USH2A: variants seen among roughly 807,000 people sequenced by gnomAD.
The protein encoded by USH2A is Usher syndrome 2A (autosomal recessive, mild).
Under a neutral mutation model 538.9 loss-of-function variants are expected in USH2A, and 443 were observed. That is an observed-to-expected ratio of 0.82 (90% CI 0.76 to 0.89). The LOEUF is 0.89. Among genes scored for constraint, USH2A ranks in the 40% least tolerant of loss-of-function variants. The pLI is 0.00. For missense variants in USH2A, 6,633 were observed against 6,324.8 expected, an observed-to-expected ratio of 1.05 and a Z score of -1.65; for synonymous variants, 2,413 against 2,273.5, an observed-to-expected ratio of 1.06 and a Z score of -1.75.
intron 9 of USH2A, among the ~76,000 whole-genome samples, chr1:216,308,093 C>T (rs2037350998): frequency 6.6e-6 from 1 of 152,090 alleles, no homozygotes; most frequent in Non-Finnish European, 1.5e-5. Context: ...TTAGTCCTGC[C>T]TCCTATCCTT....
chr1:216,083,260 A>G (rs1571946487), intron 26 of USH2A, 196 bp downstream of exon 26: 1 of 514,498 alleles, frequency 1.9e-6, no homozygotes. Flanking sequence ...TACAATTGTC[A>G]TCTTAAAAAA....
At chr1:215,859,095 T>G (rs1051759543) in intron 44 of USH2A, among the ~76,000 whole-genome samples, 2 of 152,170 alleles carry the variant, frequency 1.3e-5, no homozygotes, top group African/African-American at 4.8e-5. Context: ...AGCGAGCCTG[T>G]GTGCTAACTT....
Position 215,846,011 on chromosome 1 carries a change from T to C in USH2A, c.8868A>G (p.Glu2956=), listed in dbSNP as rs755315304. The stretch of plus-strand genomic sequence containing the variant: ...TCCAAAAAAGTGTGTAATATTCAAC[T>C]TCACCTTGTAGGTCTTGAACAGCTG... ...AKPTVQDLQG[E]VEYYTLFWSS... The change falls in exon 45 of 72, where the codon GAA becomes GAG. Residue 2956 remains glutamate, a synonymous_variant. Transcript: ENST00000307340. 10 of 1,577,308 alleles carry C rather than the reference T, an allele frequency of 6.3e-6. No homozygotes were observed. Among genetic ancestry groups the C allele is most frequent in the Non-Finnish European group, 7.8e-6 (9 of 1,155,370 alleles).
intron 28 of USH2A, 33 bp from the exon 29 acceptor site, chr1:216,073,002 A>G (rs2031610277): frequency 6.2e-7 from 1 of 1,612,548 alleles, no homozygotes; most frequent in Admixed American, 1.7e-5. Flanking sequence ...CAAGATTAAA[A>G]TAATACTCAT....
intron 4 of USH2A, among the ~76,000 whole-genome samples, chr1:216,336,548 T>G (rs552127949): frequency 3.3e-5 from 5 of 151,564 alleles, no homozygotes; most frequent in Admixed American, 2.0e-4. Flanking sequence ...AGTTGCAATA[T>G]CAATACATGA....
At chr1:216,200,977 ATCCCTCCCTCCC>A (rs58287796) in intron 16 of USH2A, among the ~76,000 whole-genome samples, 14 of 50,098 alleles carry the variant, frequency 2.8e-4, no homozygotes, top group Non-Finnish European at 4.0e-4. Flanking sequence ...CCCCCCATCC[ATCCCTCCCTCCC>A]TCCCTCCCTC....
chr1:216,281,713 G>A (rs1000761230), intron 11 of USH2A, among the ~76,000 whole-genome samples: 2 of 152,074 alleles, frequency 1.3e-5, no homozygotes, highest in Admixed American at 1.3e-4. Flanking sequence ...ATACAGAGGA[G>A]TGAAACTTCT....
intron 4 of USH2A, among the ~76,000 whole-genome samples, chr1:216,328,453 T>A (rs1257305654): frequency 6.6e-6 from 1 of 152,156 alleles, no homozygotes. Flanking sequence ...CTCCAAGTTT[T>A]TTGTTATATT....
intron 60 of USH2A, 98 bp from the exon 61 acceptor site, chr1:215,728,482 C>T: frequency 1.6e-6 from 2 of 1,224,340 alleles, no homozygotes; most frequent in South Asian, 1.3e-5. Context: ...TTGTTATCAA[C>T]TTAACTTTTC....
intron 61 of USH2A, among the ~76,000 whole-genome samples, chr1:215,718,092 A>T (rs1659537534): frequency 6.6e-6 from 1 of 152,192 alleles, no homozygotes; most frequent in African/African-American, 2.4e-5. Context: ...TATGATCAAA[A>T]ATGTCAGCAG....
chr1:215,788,627 G>A (rs1661873885), intron 51 of USH2A, among the ~76,000 whole-genome samples: 1 of 152,142 alleles, frequency 6.6e-6, no homozygotes, highest in African/African-American at 2.4e-5. Flanking sequence ...TGAAATTTTA[G>A]AGGAGCAGGA....
At position 216,422,283 on chromosome 1, in the gene USH2A, T is replaced by G. The variant is rs1396916932; in HGVS notation, c.54A>C (p.Glu18Asp). 6 of 1,613,586 alleles carry G rather than the reference T, an allele frequency of 3.7e-6. No individual in the cohort carries two copies. The highest frequency in any genetic ancestry group is 5.1e-6 in the Non-Finnish European group (6 of 1,179,824). ...LGSGFLFQVI[E>D]MLIFAYFASI... Reference sequence around the variant, plus strand: ...AAGCAAAATAGGCAAAGATCAACATTTCAATGACCTGAAACAAGAAGCCAG... The same window carrying G: ...AAGCAAAATAGGCAAAGATCAACATGTCAATGACCTGAAACAAGAAGCCAG... The change falls in exon 2 of 72, where the codon GAA (glutamate) becomes GAC (aspartate). Residue 18 changes from glutamate (E) to aspartate (D), a missense_variant. Coordinates refer to ENST00000307340, the MANE Select transcript of USH2A (RefSeq NM_206933.4).
chr1:216,419,234 G>T (rs1369508987), intron 2 of USH2A, among the ~76,000 whole-genome samples: 1 of 152,108 alleles, frequency 6.6e-6, no homozygotes, highest in Non-Finnish European at 1.5e-5. Context: ...CAAAGCCAGT[G>T]TCTGTAAGAT....
chr1:216,131,811 T>G (rs1037881938), intron 21 of USH2A, among the ~76,000 whole-genome samples: 3 of 152,102 alleles, frequency 2.0e-5, no homozygotes, highest in African/African-American at 7.2e-5. Context: ...TGATTCTAGT[T>G]GGATATAATT....
At chr1:215,796,147 G>A (rs1027074518) in intron 50 of USH2A, among the ~76,000 whole-genome samples, 1 of 152,130 alleles carries the variant, frequency 6.6e-6, no homozygotes, top group African/African-American at 2.4e-5. Context: ...TGTAACATCT[G>A]AAAAGCTCTG....
chr1:216,301,338 A>T lies in USH2A; in HGVS notation c.1645-8968T>A, dbSNP rs569806461. 4.6e-5 allele frequency among the ~76,000 whole-genome samples: 7 copies of T among 152,292 alleles called. No homozygotes were observed. The East Asian group carries it at 1.4e-3, about 29-fold the overall frequency. ...CAATGACCTTTGGAAGCTTAAGTTCATAATGATCACAATGAGTCATCGAAA... is the reference window on the plus strand; with the variant it reads ...CAATGACCTTTGGAAGCTTAAGTTCTTAATGATCACAATGAGTCATCGAAA... On this transcript the variant is annotated intron_variant, in intron 9 of 71. Coordinates refer to ENST00000307340, the MANE Select transcript of USH2A (RefSeq NM_206933.4).
intron 38 of USH2A, among the ~76,000 whole-genome samples, chr1:215,906,433 G>C (rs1259983320): frequency 6.6e-6 from 1 of 151,914 alleles, no homozygotes; most frequent in Non-Finnish European, 1.5e-5. Flanking sequence ...GATGTAACTG[G>C]CACACTGAGG....
intron 44 of USH2A, among the ~76,000 whole-genome samples, chr1:215,854,025 C>T (rs1412280351): frequency 6.6e-6 from 1 of 152,196 alleles, no homozygotes; most frequent in Non-Finnish European, 1.5e-5. Context: ...CAGCATACCA[C>T]TTTACTGGTG....
intron 58 of USH2A, among the ~76,000 whole-genome samples, chr1:215,747,916 G>A (rs1480682321): frequency 6.8e-6 from 1 of 146,338 alleles, no homozygotes; most frequent in Non-Finnish European, 1.5e-5. Flanking sequence ...ACGGAGTCTC[G>A]CTCTGTCGCC....
Sources: gnomAD v4.1 joint callset for allele counts (sites outside exome capture counted in the v4.1 genomes callset) on GRCh38, gnomAD v4.1.1 for gene constraint, MANE v1.5 for transcripts, NCBI Gene and HGNC (gene_info 2026-07-23, HGNC 2026-07-21) for gene names.